The following SNTG2 variants were observed in gnomAD, a reference collection of about 807,000 sequenced individuals.
SNTG2 encodes syntrophin gamma 2, also known as gamma-2-syntrophin.
A neutral mutation model predicts 70.9 loss-of-function variants in SNTG2; 74 were observed. The observed-to-expected ratio is 1.04, with a 90% CI of 0.86 to 1.27. The LOEUF is 1.27. Ranked by LOEUF, SNTG2 falls within the 50% of genes most tolerant of loss-of-function variation. The pLI is 0.00. For missense variants in SNTG2, 717 were observed against 690.7 expected (o/e 1.04, Z -0.43); for synonymous variants, 278 against 273.8 (o/e 1.02, Z -0.15).
At chr2:1,016,006 C>T (rs935479801) in intron 1 of SNTG2, among the ~76,000 whole-genome samples, 1 of 152,174 alleles carries the variant, frequency 6.6e-6, no homozygotes, top group African/African-American at 2.4e-5. Context: ...TATCTTAATA[C>T]ACTGTATACA....
chr2:1,071,528 C>T (rs1275900034), intron 1 of SNTG2, among the ~76,000 whole-genome samples: 1 of 148,552 alleles, frequency 6.7e-6, no homozygotes, highest in Non-Finnish European at 1.5e-5. Context: ...GGAGGGATAG[C>T]ACTGGGAGAT....
At chr2:1,065,135 G>T (rs530458561) in intron 1 of SNTG2, among the ~76,000 whole-genome samples, 1 of 152,230 alleles carries the variant, frequency 6.6e-6, no homozygotes, top group South Asian at 2.1e-4. Flanking sequence ...TGGGATGTGG[G>T]GGTGTCAGTC....
intron 16 of SNTG2, among the ~76,000 whole-genome samples, chr2:1,319,575 G>A (rs933977885): frequency 6.6e-6 from 1 of 152,192 alleles, no homozygotes; most frequent in African/African-American, 2.4e-5. Flanking sequence ...GCAGTGACCC[G>A]AGGGCCCTGG....
intron 1 of SNTG2, among the ~76,000 whole-genome samples, chr2:1,001,262 A>G (rs781326312): frequency 6.6e-6 from 1 of 152,066 alleles, no homozygotes; most frequent in Non-Finnish European, 1.5e-5. Context: ...TGAAAGTTTT[A>G]GCCAGATCAG....
chr2:1,264,129 A>G (rs1482562668), intron 13 of SNTG2, among the ~76,000 whole-genome samples: 1 of 152,264 alleles, frequency 6.6e-6, no homozygotes, highest in Non-Finnish European at 1.5e-5. Flanking sequence ...ACATTAAGAA[A>G]AAGTTAGAGA....
intron 14 of SNTG2, among the ~76,000 whole-genome samples, chr2:1,282,210 C>T (rs1236615891): frequency 6.6e-6 from 1 of 152,098 alleles, no homozygotes; most frequent in African/African-American, 2.4e-5. Flanking sequence ...GATTCTCTTC[C>T]GCAGCGAAGT....
chr2:1,188,381 CA>C (rs1324769438), intron 8 of SNTG2, among the ~76,000 whole-genome samples: 1 of 151,956 alleles, frequency 6.6e-6, no homozygotes, highest in Non-Finnish European at 1.5e-5. Flanking sequence ...AATATAAATA[CA>C]GCAGAAATTA....
In SNTG2 at chr2:959,845, C is replaced by G. The variant is rs1052178198; in HGVS notation, c.72+8777C>G. Among the ~76,000 whole-genome samples the G allele has an allele frequency of 4.6e-5, 7 of 151,586 alleles. No homozygotes were observed. The South Asian group carries it at 1.5e-3, about 32-fold the overall frequency. Reference sequence around the variant, plus strand: ...GTTTGTATGAATAGTGGCATGGTATCCGTATCTCAGTACTGAAAGTGAATA... The same window carrying G: ...GTTTGTATGAATAGTGGCATGGTATGCGTATCTCAGTACTGAAAGTGAATA... On this transcript the variant is annotated intron_variant, in intron 1 of 16. Transcript: ENST00000308624.
chr2:993,113 T>G (rs1026501768), intron 1 of SNTG2, among the ~76,000 whole-genome samples: 3 of 149,624 alleles, frequency 2.0e-5, no homozygotes, highest in Non-Finnish European at 4.4e-5. Flanking sequence ...TTAGGGTACA[T>G]GTGCACATTG....
intron 16 of SNTG2, among the ~76,000 whole-genome samples, chr2:1,333,660 C>T (rs536306943): frequency 6.6e-6 from 1 of 152,182 alleles, no homozygotes; most frequent in South Asian, 2.1e-4. Flanking sequence ...CTGATCTTGA[C>T]AAAGCATACA....
At position 1,097,317 on chromosome 2, in the gene SNTG2, T is replaced by C. The variant is rs1665458285; in HGVS notation, c.211-879T>C. Among the ~76,000 whole-genome samples the C allele has an allele frequency of 6.6e-6, 1 of 152,208 alleles. No homozygotes were observed. The highest frequency in any genetic ancestry group is 2.1e-4 in the South Asian group (1 of 4,834). On this transcript the variant is annotated intron_variant, in intron 2 of 16. Coordinates refer to ENST00000308624, the MANE Select transcript of SNTG2 (RefSeq NM_018968.4). The surrounding 1 kb of genome is among the most constrained non-coding windows in gnomAD (Gnocchi z 4.1). The stretch of plus-strand genomic sequence containing the variant: ...TGGGCTCTGCCACCCTTTTACTTCT[T>C]TGTCCTTGCTTTGCACAGCAGATTC...
At chr2:1,308,949 G>T (rs1299939891) in intron 15 of SNTG2, among the ~76,000 whole-genome samples, 2 of 152,186 alleles carry the variant, frequency 1.3e-5, no homozygotes, top group African/African-American at 4.8e-5. Context: ...GCCTGTGCCT[G>T]GGGGAATTTG....
intron 14 of SNTG2, among the ~76,000 whole-genome samples, chr2:1,268,926 T>C (rs982590030): frequency 6.6e-6 from 1 of 152,104 alleles, no homozygotes; most frequent in African/African-American, 2.4e-5. Context: ...CCACACCCTC[T>C]AGTGCCCCAG....
At chr2:1,338,909 ACT>A (rs1659948463) in intron 16 of SNTG2, among the ~76,000 whole-genome samples, 1 of 152,092 alleles carries the variant, frequency 6.6e-6, no homozygotes. Context: ...TCATATCATA[ACT>A]CTATTTAACT....
chr2:1,264,347 G>A (rs2148177519), intron 13 of SNTG2, among the ~76,000 whole-genome samples: 1 of 152,250 alleles, frequency 6.6e-6, no homozygotes, highest in Non-Finnish European at 1.5e-5. Context: ...TCATCCCTGT[G>A]GAAGCAATTT....
intron 4 of SNTG2, among the ~76,000 whole-genome samples, chr2:1,109,794 T>A (rs1666319424): frequency 6.6e-6 from 1 of 152,236 alleles, no homozygotes; most frequent in African/African-American, 2.4e-5. Context: ...CTGGGCCCTG[T>A]AGCTAATTTG....
intron 2 of SNTG2, among the ~76,000 whole-genome samples, 178 bp from the exon 3 acceptor site, chr2:1,098,018 C>T (rs1040946351): frequency 1.3e-5 from 2 of 152,184 alleles, no homozygotes; most frequent in Admixed American, 1.3e-4. Flanking sequence ...CGTTTTCATA[C>T]GTGCAATACC....
chr2:1,333,442 A>G (rs960440816), intron 16 of SNTG2, among the ~76,000 whole-genome samples: 2 of 152,138 alleles, frequency 1.3e-5, no homozygotes, highest in Non-Finnish European at 2.9e-5. Context: ...GAAAAAGCAA[A>G]CCTAAAATTT....
At chr2:1,031,770 G>A (rs1218597509) in intron 1 of SNTG2, among the ~76,000 whole-genome samples, 4 of 151,666 alleles carry the variant, frequency 2.6e-5, no homozygotes, top group Non-Finnish European at 5.9e-5. Flanking sequence ...GAAAATATTC[G>A]AAGAGAGAGA....
Sources: allele counts gnomAD v4.1 joint callset (sites outside exome capture counted in the v4.1 genomes callset), GRCh38; gene constraint gnomAD v4.1.1; non-coding constraint Gnocchi (gnomAD v3.1); transcripts MANE v1.5; gene names NCBI Gene and HGNC (gene_info 2026-07-23, HGNC 2026-07-21).